Variants in SH3RF2 observed in about 807,000 individuals in gnomAD.
SH3RF2 encodes SH3 domain containing ring finger 2, also known as E3 ubiquitin-protein ligase SH3RF2.
Under a neutral mutation model 59.0 loss-of-function variants are expected in SH3RF2, and 43 were observed. That is an observed-to-expected ratio of 0.73 (90% CI 0.57 to 0.94). SH3RF2 has a LOEUF of 0.94. Among genes scored for constraint, SH3RF2 ranks in the 40% least tolerant of loss-of-function variants. The pLI is 0.00. For missense variants in SH3RF2, 930 were observed against 940.1 expected (o/e 0.99, Z 0.14); for synonymous variants, 391 against 391.5 (o/e 1.00, Z 0.01).
At chr5:145,941,308 C>T (rs1227607698) in intron 2 of SH3RF2, among the ~76,000 whole-genome samples, 1 of 152,148 alleles carries the variant, frequency 6.6e-6, no homozygotes, top group Non-Finnish European at 1.5e-5. Flanking sequence ...ATAGTCACAC[C>T]TCATGGTGCC....
chr5:145,979,920 C>T (rs986962832), intron 2 of SH3RF2, among the ~76,000 whole-genome samples: 66 of 152,206 alleles, frequency 4.3e-4, no homozygotes, highest in African/African-American at 1.5e-3. Context: ...GCTGAAGTAA[C>T]TAGTCCAAAG....
intron 2 of SH3RF2, among the ~76,000 whole-genome samples, chr5:145,951,761 G>A (rs780745066): frequency 2.0e-5 from 3 of 152,290 alleles, no homozygotes; most frequent in Admixed American, 1.3e-4. Flanking sequence ...CAACTCAGGA[G>A]GGTTGCATCT....
rs144053534 is a variant in SH3RF2 at position 146,032,076 on chromosome 5, G to A, written c.1060-15696G>A. 2.7e-3 allele frequency among the ~76,000 whole-genome samples: 415 copies of A among 152,230 alleles called. 1 individual carries two copies. The highest frequency in any genetic ancestry group is 9.5e-3 in the African/African-American group (395 of 41,526). The stretch of plus-strand genomic sequence containing the variant: ...AGTAGGTCTCCCATCATCTATCTCT[G>A]CTTCCTTTATGGTGTATATTTTATT... On this transcript the variant is annotated intron_variant, in intron 5 of 9. Coordinates refer to ENST00000359120, the MANE Select transcript of SH3RF2 (RefSeq NM_152550.4).
intron 9 of SH3RF2, among the ~76,000 whole-genome samples, chr5:146,070,807 A>C (rs1207291867): frequency 6.6e-6 from 1 of 152,230 alleles, no homozygotes; most frequent in Non-Finnish European, 1.5e-5. Context: ...GATGCAAACT[A>C]ATTAGGCAAA....
exon 10 of SH3RF2, chr5:146,079,507 TG>T (rs1763392356): frequency 6.6e-6 from 1 of 152,238 alleles, no homozygotes; most frequent in Non-Finnish European, 1.5e-5. Context: ...GCAGCATCAC[TG>T]GGATATGTCG....
At chr5:145,939,504 G>A (rs1167020296) in intron 2 of SH3RF2, among the ~76,000 whole-genome samples, 1 of 152,146 alleles carries the variant, frequency 6.6e-6, no homozygotes, top group Non-Finnish European at 1.5e-5. Context: ...CACCCATGGC[G>A]CATGTGTAAA....
chr5:146,073,064 T>C (rs1763270673), intron 9 of SH3RF2, among the ~76,000 whole-genome samples: 1 of 152,228 alleles, frequency 6.6e-6, no homozygotes, highest in Non-Finnish European at 1.5e-5. Flanking sequence ...AGTTGTATTA[T>C]TGTCCCCTTG....
At chr5:145,991,911 A>G (rs1007548091) in intron 2 of SH3RF2, among the ~76,000 whole-genome samples, 1 of 152,200 alleles carries the variant, frequency 6.6e-6, no homozygotes, top group African/African-American at 2.4e-5. Context: ...AGAATAAGAT[A>G]TAGCTTAGAC....
At chr5:145,975,948 ACAG>A (rs1480328457) in intron 2 of SH3RF2, among the ~76,000 whole-genome samples, 4 of 152,260 alleles carry the variant, frequency 2.6e-5, no homozygotes, top group Admixed American at 2.6e-4. Flanking sequence ...AATGTTACTT[ACAG>A]TAGGCACTCA....
intron 2 of SH3RF2, chr5:145,997,291 A>T (rs972247020): frequency 1.0e-6 from 1 of 994,894 alleles, no homozygotes; most frequent in Non-Finnish European, 1.6e-6. Context: ...AAAGAAGAGG[A>T]ATCCAAAAAG....
At chr5:145,938,386 T>G in intron 2 of SH3RF2, 80 bp downstream of exon 2, 1 of 1,444,360 alleles carries the variant, frequency 6.9e-7, no homozygotes, top group East Asian at 2.3e-5. Context: ...GATTATCTTC[T>G]TTTAGTTACA....
chr5:146,015,129 A>G (rs1309717173), intron 5 of SH3RF2, among the ~76,000 whole-genome samples: 2 of 151,948 alleles, frequency 1.3e-5, no homozygotes, highest in African/African-American at 4.8e-5. Flanking sequence ...GCTTAATTGG[A>G]CTCTAATCCC....
intron 9 of SH3RF2, among the ~76,000 whole-genome samples, chr5:146,074,105 T>C (rs1485283725): frequency 1.4e-5 from 2 of 144,938 alleles, no homozygotes; most frequent in Non-Finnish European, 3.0e-5. Context: ...AGAGGCGCGA[T>C]CTTGGCTCAC....
rs750545470 is a variant in SH3RF2 at position 146,049,105 on chromosome 5, T to C, written c.1182T>C (p.His394=). ...TAGCCCTGCACTCCTACTCAGCCCA[T>C]GGACCCGATGAGCTGGACCTGCAAA... The part of the protein sequence containing the change: ...MFVALHSYSA[H]GPDELDLQKG... Residue 394 remains histidine (H), a synonymous_variant, in exon 7 of 10, where the codon CAT becomes CAC. Coordinates refer to ENST00000359120, the MANE Select transcript of SH3RF2 (RefSeq NM_152550.4). The C allele has an allele frequency of 1.2e-6, 2 of 1,613,918 alleles. No individual in the cohort carries two copies. The highest frequency in any genetic ancestry group is 2.7e-5 in the African/African-American group (2 of 74,902).
intron 5 of SH3RF2, among the ~76,000 whole-genome samples, chr5:146,016,491 T>G (rs990240005): frequency 6.6e-6 from 1 of 152,118 alleles, no homozygotes; most frequent in African/African-American, 2.4e-5. Context: ...TTACTCTCAG[T>G]CTCCTAAGCC....
At chr5:145,959,400 G>A (rs1758539461) in intron 2 of SH3RF2, among the ~76,000 whole-genome samples, 1 of 152,044 alleles carries the variant, frequency 6.6e-6, no homozygotes, top group African/African-American at 2.4e-5. Flanking sequence ...ACAAAACTGG[G>A]TATTTGATAG....
At chr5:146,074,078 C>T (rs1763293543) in intron 9 of SH3RF2, among the ~76,000 whole-genome samples, 1 of 135,446 alleles carries the variant, frequency 7.4e-6, no homozygotes, top group South Asian at 2.3e-4. Context: ...CTCGCTCTGT[C>T]GCCCAGGCTG....
intron 5 of SH3RF2, among the ~76,000 whole-genome samples, chr5:146,026,266 T>C (rs1419046219): frequency 1.3e-5 from 2 of 152,188 alleles, no homozygotes; most frequent in South Asian, 2.1e-4. Context: ...CCCTACAATA[T>C]ATAACATCTT....
At chr5:145,970,799 C>CTT (rs34920381) in intron 2 of SH3RF2, among the ~76,000 whole-genome samples, 3 of 151,792 alleles carry the variant, frequency 2.0e-5, no homozygotes, top group Admixed American at 6.6e-5. Context: ...AGCTGTGATA[C>CTT]TTTTTTTTAA....
Sources: gnomAD v4.1 joint callset for allele counts (sites outside exome capture counted in the v4.1 genomes callset) on GRCh38, gnomAD v4.1.1 for gene constraint, MANE v1.5 for transcripts, NCBI Gene and HGNC (gene_info 2026-07-23, HGNC 2026-07-21) for gene names.